The following ROCK1 variants were observed in gnomAD, a reference collection of about 807,000 sequenced individuals.
ROCK1 encodes the protein rho-associated protein kinase 1.
Under a neutral mutation model 196.8 loss-of-function variants are expected in ROCK1, and 36 were observed. The ratio of observed to expected loss-of-function variants is 0.18; its 90% CI spans 0.14 to 0.24. The LOEUF (loss-of-function observed/expected upper bound fraction) is 0.24, where lower values mean the gene tolerates loss of function less well. Ranked by LOEUF, ROCK1 falls within the 10% of genes least tolerant of loss-of-function variation. The pLI, the probability that ROCK1 is intolerant of heterozygous loss-of-function variation, is 1.00. For missense variants in ROCK1, 920 were observed against 1,562.0 expected, an observed-to-expected ratio of 0.59 and a Z score of 6.93; for synonymous variants, 443 against 515.9, an observed-to-expected ratio of 0.86 and a Z score of 1.91.
chr18:21,049,358 A>T, intron 3 of ROCK1, 129 bp from the exon 4 acceptor site: 1 of 714,490 alleles, frequency 1.4e-6, no homozygotes, highest in Non-Finnish European at 2.1e-6. Flanking sequence ...AGTTATTTTT[A>T]TTTCTTCTCT....
Position 20,951,071 on chromosome 18 carries a change from A to C in ROCK1, c.*313T>G. ...ACTCATATGAGGAAAACTCTGTTCT[A>C]TCACGACTGACAGGCATTTTCTTAT... On this transcript the variant is annotated 3_prime_UTR_variant, in exon 33 of 33. Coordinates refer to ENST00000399799, the MANE Select transcript of ROCK1 (RefSeq NM_005406.3). The C allele has an allele frequency of 3.9e-6, 1 of 253,854 alleles. No individual in the cohort carries two copies. The highest frequency in any genetic ancestry group is 7.5e-6 in the Non-Finnish European group (1 of 133,900). 15.7% of individuals were successfully genotyped at this position (253,854 alleles called of 1,614,324 possible). A position where few individuals can be genotyped will look rare whatever the true frequency, so the allele number is the denominator to read the frequency against.
chr18:21,055,699 C>A (rs1319443978), intron 2 of ROCK1, among the ~76,000 whole-genome samples: 1 of 151,982 alleles, frequency 6.6e-6, no homozygotes, highest in African/African-American at 2.4e-5. Flanking sequence ...TGTTTTCTCT[C>A]CCATCTTAGG....
intron 27 of ROCK1, among the ~76,000 whole-genome samples, chr18:20,961,858 G>A (rs560418798): frequency 2.1e-4 from 23 of 110,120 alleles, no homozygotes; most frequent in East Asian, 1.8e-3. Flanking sequence ...GTCTTGTTAC[G>A]TTGTCCAGGC....
At chr18:21,039,696 C>G (rs1486484052) in intron 8 of ROCK1, 133 bp from the exon 9 acceptor site, 1 of 620,630 alleles carries the variant, frequency 1.6e-6, no homozygotes, top group African/African-American at 1.8e-5. Flanking sequence ...ATTATATTGT[C>G]AGCATAGTAT....
In ROCK1 at chr18:20,948,254, G is replaced by A. The variant is rs1461500363; in HGVS notation, c.*3130C>T. The A allele has an allele frequency of 6.6e-6, 1 of 152,138 alleles. No individual in the cohort carries two copies. The highest frequency in any genetic ancestry group is 1.5e-5 in the Non-Finnish European group (1 of 68,038). The allele number at this position is 152,138 out of a possible 1,614,324, so 9.4% of individuals were successfully genotyped here. ...TAATTAAAAGTGTGATATTGGCAAGGACACAGAAATAACACCAATGGATTG... is the reference window on the plus strand; with the variant it reads ...TAATTAAAAGTGTGATATTGGCAAGAACACAGAAATAACACCAATGGATTG... On this transcript the variant is annotated 3_prime_UTR_variant, in exon 33 of 33. Transcript: ENST00000399799.
At chr18:21,042,835 C>G (rs988720094) in intron 6 of ROCK1, 126 bp from the exon 7 acceptor site, 5 of 934,440 alleles carry the variant, frequency 5.4e-6, no homozygotes, top group African/African-American at 5.0e-5. Context: ...TATATTAAAA[C>G]TGAATGGAAA....
intron 1 of ROCK1, among the ~76,000 whole-genome samples, chr18:21,085,055 A>T (rs2036514713): frequency 6.6e-6 from 1 of 152,254 alleles, no homozygotes; most frequent in Admixed American, 6.5e-5. Flanking sequence ...GCAAATTTAC[A>T]GAAACAGAAA....
At chr18:20,968,286 A>C (rs1367451343) in intron 25 of ROCK1, among the ~76,000 whole-genome samples, 1 of 151,922 alleles carries the variant, frequency 6.6e-6, no homozygotes, top group South Asian at 2.1e-4. Context: ...TAGGCAAGTT[A>C]GCTTTCTTAA....
At chr18:21,069,412 C>G (rs549165779) in intron 2 of ROCK1, among the ~76,000 whole-genome samples, 8 of 151,934 alleles carry the variant, frequency 5.3e-5, no homozygotes, top group Non-Finnish European at 1.0e-4. Context: ...TACAGGTTTA[C>G]CAGTTAAAAC....
At chr18:21,022,455 C>G (rs1221293234) in intron 11 of ROCK1, among the ~76,000 whole-genome samples, 2 of 152,134 alleles carry the variant, frequency 1.3e-5, no homozygotes, top group African/African-American at 4.8e-5. Flanking sequence ...CTTGAAAATT[C>G]ATCCTCTGCT....
rs796589398 is a variant in ROCK1, at chr18:21,091,879, A to G, written c.93+18939T>C. ...CAGCTACTCTGAAGACTGAAGCCCA[A>G]GGATCAGTTGAACCGGGGGTGGGCG... On this transcript the variant is annotated intron_variant, in intron 1 of 32. Transcript: ENST00000399799. Among the ~76,000 whole-genome samples the G allele has an allele frequency of 1.8e-4, 27 of 150,782 alleles. No homozygotes were observed. In the East Asian group the frequency reaches 3.1e-3, roughly 17 times the overall value.
chr18:21,064,587 A>G (rs1179368904), intron 2 of ROCK1, among the ~76,000 whole-genome samples: 1 of 152,216 alleles, frequency 6.6e-6, no homozygotes, highest in African/African-American at 2.4e-5. Context: ...TTGAATCCTA[A>G]TTCTAACCAG....
At chr18:21,089,727 AT>A (rs1270172805) in intron 1 of ROCK1, among the ~76,000 whole-genome samples, 1 of 152,200 alleles carries the variant, frequency 6.6e-6, no homozygotes, top group African/African-American at 2.4e-5. Context: ...CACAAAGCCT[AT>A]TTTATAACAA....
At chr18:21,070,853 T>C (rs2036378248) in intron 1 of ROCK1, among the ~76,000 whole-genome samples, 1 of 152,202 alleles carries the variant, frequency 6.6e-6, no homozygotes, top group Non-Finnish European at 1.5e-5. Context: ...ACAGATTGGC[T>C]GCAAGTGATT....
intron 12 of ROCK1, among the ~76,000 whole-genome samples, chr18:21,019,280 A>G (rs1480794829): frequency 1.3e-5 from 2 of 152,078 alleles, no homozygotes; most frequent in African/African-American, 2.4e-5. Flanking sequence ...CAGCCTCCCA[A>G]GCAGCAGGGA....
intron 18 of ROCK1, among the ~76,000 whole-genome samples, chr18:20,990,260 T>C (rs1385866311): frequency 1.3e-5 from 2 of 151,814 alleles, no homozygotes; most frequent in South Asian, 2.1e-4. Flanking sequence ...CAAAGCAAGA[T>C]AGCAGATGAA....
intron 1 of ROCK1, among the ~76,000 whole-genome samples, chr18:21,092,513 G>A (rs761803376): frequency 6.7e-6 from 1 of 148,862 alleles, no homozygotes; most frequent in Non-Finnish European, 1.5e-5. Flanking sequence ...CAGCCTGGGA[G>A]GTCAAGGCTG....
At chr18:21,011,315 T>C (rs1598527150) in intron 13 of ROCK1, among the ~76,000 whole-genome samples, 6 of 152,214 alleles carry the variant, frequency 3.9e-5, no homozygotes, top group Admixed American at 3.9e-4. Context: ...TTTTTGAATG[T>C]ATCTCCTTGT....
At chr18:21,050,857 T>C (rs1225758206) in intron 2 of ROCK1, among the ~76,000 whole-genome samples, 1 of 152,206 alleles carries the variant, frequency 6.6e-6, no homozygotes, top group Non-Finnish European at 1.5e-5. Context: ...ATTAATTCGC[T>C]GCACAAATAT....
Sources: gnomAD v4.1 joint callset for allele counts (sites outside exome capture counted in the v4.1 genomes callset) on GRCh38, gnomAD v4.1.1 for gene constraint, MANE v1.5 for transcripts, NCBI Gene and HGNC (gene_info 2026-07-23, HGNC 2026-07-21) for gene names.